Variants in KCND2 observed in about 807,000 individuals in gnomAD.
KCND2 encodes potassium voltage-gated channel subfamily D member 2.
KCND2 carries 16 observed loss-of-function variants against 54.4 expected under a neutral mutation model. The observed-to-expected ratio is 0.29, with a 90% CI of 0.20 to 0.45. KCND2 has a LOEUF of 0.45. Ranked by LOEUF, KCND2 falls within the 20% of genes least tolerant of loss-of-function variation. The pLI is 1.00. For synonymous variants in KCND2, 317 were observed against 310.7 expected, an observed-to-expected ratio of 1.02 and a Z score of -0.21; for missense variants, 486 against 824.2, an observed-to-expected ratio of 0.59 and a Z score of 5.02.
intron 1 of KCND2, among the ~76,000 whole-genome samples, chr7:120,467,953 G>C (rs1000744588): frequency 1.3e-5 from 2 of 152,104 alleles, no homozygotes; most frequent in Non-Finnish European, 2.9e-5. Flanking sequence ...AGGCCTTACT[G>C]AGAATTTTTA....
intron 1 of KCND2, among the ~76,000 whole-genome samples, chr7:120,676,849 A>C (rs936119459): frequency 1.3e-5 from 2 of 152,198 alleles, no homozygotes; most frequent in Admixed American, 1.3e-4. Context: ...TAGGAAAAAG[A>C]AAAAAGGCAT....
intron 1 of KCND2, among the ~76,000 whole-genome samples, chr7:120,728,563 T>G (rs1399342749): frequency 2.6e-5 from 4 of 152,196 alleles, no homozygotes; most frequent in Non-Finnish European, 5.9e-5. Flanking sequence ...GTGCTGGGAT[T>G]ACAGCCGTGA....
chr7:120,308,060 A>G (rs1371115374), intron 1 of KCND2, among the ~76,000 whole-genome samples: 1 of 152,046 alleles, frequency 6.6e-6, no homozygotes, highest in Admixed American at 6.6e-5. Context: ...TATGTGGACA[A>G]TTATAAATTT....
intron 1 of KCND2, among the ~76,000 whole-genome samples, chr7:120,714,937 A>G (rs1254099139): frequency 6.6e-6 from 1 of 152,128 alleles, no homozygotes; most frequent in Non-Finnish European, 1.5e-5. Flanking sequence ...TTGTTGAAAT[A>G]CTAAATATAC....
chr7:120,475,694 C>T (rs922402560), intron 1 of KCND2, among the ~76,000 whole-genome samples: 5 of 152,226 alleles, frequency 3.3e-5, no homozygotes, highest in African/African-American at 9.6e-5. Context: ...CAAGCTGCCT[C>T]ATGTTAACAA....
At chr7:120,437,656 A>G (rs1462189783) in intron 1 of KCND2, among the ~76,000 whole-genome samples, 4 of 152,220 alleles carry the variant, frequency 2.6e-5, no homozygotes, top group Admixed American at 1.3e-4. Flanking sequence ...AATTAAACCT[A>G]TGCTAATGTA....
Position 120,378,087 on chromosome 7 carries a change from A to C in KCND2, c.1115+102340A>C, listed in dbSNP as rs566836770. Among the ~76,000 whole-genome samples, 47 of 152,064 alleles carry C rather than the reference A, an allele frequency of 3.1e-4. 1 individual carries two copies. The East Asian group carries it at 8.9e-3, about 29-fold the overall frequency. ...AATGAATGAACACAGGAAACACTTA[A>C]GCCTAGAACATTTAAGGCAAACAAA... On this transcript the variant is annotated intron_variant, in intron 1 of 5. Coordinates refer to ENST00000331113, the MANE Select transcript of KCND2 (RefSeq NM_012281.3).
At chr7:120,708,667 T>C (rs970604605) in intron 1 of KCND2, among the ~76,000 whole-genome samples, 3 of 152,094 alleles carry the variant, frequency 2.0e-5, no homozygotes, top group African/African-American at 7.2e-5. Context: ...TTTCTTCCCC[T>C]TCCCAACCCT....
At chr7:120,467,869 G>A (rs557554119) in intron 1 of KCND2, among the ~76,000 whole-genome samples, 1 of 152,098 alleles carries the variant, frequency 6.6e-6, no homozygotes, top group South Asian at 2.1e-4. Flanking sequence ...ATGAAAGTTA[G>A]CTCCCAGATG....
chr7:120,393,930 T>C (rs1352537182), intron 1 of KCND2, among the ~76,000 whole-genome samples: 2 of 151,986 alleles, frequency 1.3e-5, no homozygotes, highest in Non-Finnish European at 2.9e-5. Context: ...AAACATATCA[T>C]AAGAGAGAGA....
At chr7:120,482,464 C>A (rs1802620400) in intron 1 of KCND2, among the ~76,000 whole-genome samples, 1 of 152,044 alleles carries the variant, frequency 6.6e-6, no homozygotes, top group African/African-American at 2.4e-5. Flanking sequence ...TATTGGGGGC[C>A]AGAGAAGAAA....
intron 1 of KCND2, among the ~76,000 whole-genome samples, chr7:120,683,925 A>C (rs993166030): frequency 2.0e-5 from 3 of 152,134 alleles, no homozygotes; most frequent in African/African-American, 2.4e-5. Context: ...CACAGTAAAC[A>C]GAGATGGTTC....
At chr7:120,716,874 C>G (rs1792609634) in intron 1 of KCND2, among the ~76,000 whole-genome samples, 5 of 152,000 alleles carry the variant, frequency 3.3e-5, no homozygotes. Context: ...GAGATATGCT[C>G]CAAGATCCCC....
chr7:120,682,292 G>A (rs956031611), intron 1 of KCND2, among the ~76,000 whole-genome samples: 1 of 151,748 alleles, frequency 6.6e-6, no homozygotes, highest in African/African-American at 2.4e-5. Context: ...TAAACATGGG[G>A]TATTAATACA....
intron 1 of KCND2, among the ~76,000 whole-genome samples, chr7:120,729,434 A>G (rs1026410497): frequency 1.2e-4 from 19 of 152,218 alleles, no homozygotes; most frequent in African/African-American, 4.3e-4. Context: ...ACCAAGGAGT[A>G]TGAGGAAGAA....
intron 1 of KCND2, among the ~76,000 whole-genome samples, chr7:120,612,454 A>T (rs1792968708): frequency 6.6e-6 from 1 of 152,220 alleles, no homozygotes; most frequent in Non-Finnish European, 1.5e-5. Context: ...GTACTAAATA[A>T]ATGATGAAGG....
In KCND2 at chr7:120,746,139, A is replaced by G. The variant is rs551529564; in HGVS notation, c.1715+112A>G. The stretch of plus-strand genomic sequence containing the variant: ...TCTAAATCCCTAGCTCCTATGGTTC[A>G]GGAAGAGACAAAAATGGTAGCGTAA... On this transcript the variant is annotated intron_variant, in intron 5 of 5. Transcript: ENST00000331113. 7 of 1,247,514 alleles carry G rather than the reference A, an allele frequency of 5.6e-6. No homozygotes were observed. In the East Asian group the frequency reaches 1.7e-4, roughly 30 times the overall value. The allele number at this position is 1,247,514 out of a possible 1,614,324, so 77.3% of individuals were successfully genotyped here. A position where few individuals can be genotyped will look rare whatever the true frequency, so the allele number is the denominator to read the frequency against.
intron 1 of KCND2, among the ~76,000 whole-genome samples, chr7:120,284,251 G>A (rs1383075434): frequency 1.3e-5 from 2 of 151,812 alleles, no homozygotes; most frequent in Non-Finnish European, 2.9e-5. Flanking sequence ...TTCCTGATAA[G>A]GAAGCAAGGA....
intron 1 of KCND2, among the ~76,000 whole-genome samples, chr7:120,646,043 A>G (rs553832445): frequency 6.6e-6 from 1 of 152,346 alleles, no homozygotes; most frequent in South Asian, 2.1e-4. Context: ...TGGACCAAAA[A>G]TCACTTCTCT....
Sources: gnomAD v4.1 joint callset for allele counts (sites outside exome capture counted in the v4.1 genomes callset) on GRCh38, gnomAD v4.1.1 for gene constraint, MANE v1.5 for transcripts, NCBI Gene and HGNC (gene_info 2026-07-23, HGNC 2026-07-21) for gene names.